CHLSN: variants seen among roughly 807,000 people sequenced by gnomAD.
The protein encoded by CHLSN is protein cholesin.
chr7:1,037,438 GT>G, the CHLSN span, among the ~76,000 whole-genome samples: 1 of 123,134 alleles, frequency 8.1e-6, no homozygotes, highest in African/African-American at 3.2e-5. Flanking sequence ...TGGAGACGGG[GT>G]TTCGCTGTGT....
At chr7:1,064,243 C>T in the CHLSN span, among the ~76,000 whole-genome samples, 2 of 152,142 alleles carry the variant, frequency 1.3e-5, no homozygotes, top group Admixed American at 6.5e-5. Flanking sequence ...GACACAGCGC[C>T]GGGTCCTGAT....
At chr7:1,097,929 C>T in the CHLSN span, among the ~76,000 whole-genome samples, 1 of 152,294 alleles carries the variant, frequency 6.6e-6, no homozygotes, top group Admixed American at 6.5e-5. This position sits in a 1 kb window ranked among gnomAD's most constrained non-coding sequence, Gnocchi z 4.3. Flanking sequence ...AAGACAAAGG[C>T]AGAGCAATCA....
chr7:1,081,247 C>T, the CHLSN span, among the ~76,000 whole-genome samples: 1 of 152,222 alleles, frequency 6.6e-6, no homozygotes, highest in African/African-American at 2.4e-5. Context: ...GCTAAGCACA[C>T]CCAGCCCCGC....
At chr7:986,759 G>A in the CHLSN span, 105 of 1,602,380 alleles carry the variant, frequency 6.6e-5, no homozygotes, top group Non-Finnish European at 7.2e-5. Context: ...GGGGGACCCC[G>A]TGTGCAGCTA....
At chr7:1,121,969 C>CGAG in the CHLSN span, among the ~76,000 whole-genome samples, 1 of 152,248 alleles carries the variant, frequency 6.6e-6, no homozygotes, top group African/African-American at 2.4e-5. Context: ...TGCACACACC[C>CGAG]GAGGCCTTGT....
chr7:1,131,601 G>A, the CHLSN span, among the ~76,000 whole-genome samples: 1 of 152,218 alleles, frequency 6.6e-6, no homozygotes, highest in South Asian at 2.1e-4. Flanking sequence ...AATTAGCTAT[G>A]TAATAAGAAA....
the CHLSN span, among the ~76,000 whole-genome samples, chr7:1,007,806 G>A: frequency 6.6e-6 from 1 of 152,166 alleles, no homozygotes; most frequent in Non-Finnish European, 1.5e-5. Context: ...GGAGAGGAGG[G>A]TGAGGCTGAG....
At chr7:1,053,476 T>G in the CHLSN span, among the ~76,000 whole-genome samples, 6 of 152,320 alleles carry the variant, frequency 3.9e-5, no homozygotes, top group Non-Finnish European at 8.8e-5. Context: ...CTCACATGAC[T>G]CGCCAGGCCC....
the CHLSN span, among the ~76,000 whole-genome samples, chr7:1,068,736 C>T: frequency 6.6e-6 from 1 of 152,162 alleles, no homozygotes; most frequent in African/African-American, 2.4e-5. Context: ...CTTGTTTTGT[C>T]TGTTCTTATC....
chr7:1,060,654 G>T, the CHLSN span, among the ~76,000 whole-genome samples: 1 of 152,228 alleles, frequency 6.6e-6, no homozygotes, highest in Non-Finnish European at 1.5e-5. Context: ...GGTGGCTCCT[G>T]CGGGGAGCTC....
At chr7:1,081,336 C>G in the CHLSN span, among the ~76,000 whole-genome samples, 1 of 152,328 alleles carries the variant, frequency 6.6e-6, no homozygotes, top group South Asian at 2.1e-4. Flanking sequence ...CCTAAGACCC[C>G]CAAGTCAGGG....
the CHLSN span, among the ~76,000 whole-genome samples, chr7:985,933 G>A: frequency 6.6e-6 from 1 of 152,122 alleles, no homozygotes; most frequent in African/African-American, 2.4e-5. Context: ...GGGTTCACAA[G>A]CGAGAGCAGG....
chr7:1,050,228 G>A, the CHLSN span, among the ~76,000 whole-genome samples: 2 of 152,248 alleles, frequency 1.3e-5, no homozygotes, highest in African/African-American at 4.8e-5. Flanking sequence ...GACTCCTCAG[G>A]CACAGTGGCC....
chr7:1,055,385 T>C, the CHLSN span: 1 of 470,422 alleles, frequency 2.1e-6, no homozygotes, highest in African/African-American at 2.0e-5. Context: ...AGCGCGCAGG[T>C]CCTCACCAGA....
the CHLSN span, among the ~76,000 whole-genome samples, chr7:1,077,042 A>G: frequency 2.0e-5 from 3 of 152,370 alleles, no homozygotes; most frequent in Non-Finnish European, 4.4e-5. Flanking sequence ...CCAGATGCCA[A>G]TGCTGGCTCT....
the CHLSN span, among the ~76,000 whole-genome samples, chr7:1,120,628 T>C: frequency 2.4e-3 from 369 of 152,266 alleles, 3 homozygotes; most frequent in African/African-American, 8.4e-3. Flanking sequence ...GCACTTACTA[T>C]AGGATCCAGC....
the CHLSN span, among the ~76,000 whole-genome samples, chr7:1,134,142 G>A: frequency 6.6e-6 from 1 of 152,032 alleles, no homozygotes. Context: ...GCATGGTGGT[G>A]CGTGCCTGTA....
At chr7:1,034,694 T>C in the CHLSN span, among the ~76,000 whole-genome samples, 15 of 152,310 alleles carry the variant, frequency 9.8e-5, no homozygotes, top group African/African-American at 3.6e-4. Context: ...GTTTGTTGTA[T>C]AGATTATTTA....
At chr7:1,023,678 C>CACACACACACACACACACACA in the CHLSN span, among the ~76,000 whole-genome samples, 4 of 144,554 alleles carry the variant, frequency 2.8e-5, no homozygotes, top group Non-Finnish European at 4.6e-5. This position sits in a 1 kb window ranked among gnomAD's most constrained non-coding sequence, Gnocchi z 5.0. Flanking sequence ...CACACACACA[C>CACACACACACACACACACACA]CAGCAACGCG....
Sources: allele counts gnomAD v4.1 joint callset (sites outside exome capture counted in the v4.1 genomes callset), GRCh38; gene constraint gnomAD v4.1.1; non-coding constraint Gnocchi (gnomAD v3.1); transcripts MANE v1.5; gene names NCBI Gene and HGNC (gene_info 2026-07-23, HGNC 2026-07-21).